The following TFPT variants were observed in gnomAD, a reference collection of about 807,000 sequenced individuals.
The protein encoded by TFPT is INO80 complex subunit F.
In TFPT, 27 loss-of-function variants were observed where a neutral mutation model predicts 28.8. That is an observed-to-expected ratio of 0.94 (90% CI 0.69 to 1.29). The LOEUF (loss-of-function observed/expected upper bound fraction) is 1.29. TFPT is among the 50% of genes most tolerant of loss of function. TFPT has a pLI of 0.00. For synonymous variants in TFPT, 152 were observed against 142.8 expected (o/e 1.06, Z -0.46); for missense variants, 330 against 338.0 (o/e 0.98, Z 0.19).
chr19:54,110,615 C>T (rs587676874), intron 2 of TFPT, among the ~76,000 whole-genome samples: 19 of 152,118 alleles, frequency 1.2e-4, no homozygotes, highest in Middle Eastern at 3.4e-3. Context: ...GCAGGATAGT[C>T]GCACGAACCT....
intron 3 of TFPT, among the ~76,000 whole-genome samples, 170 bp downstream of exon 3, chr19:54,109,881 A>AGTGCT (rs2073401897): frequency 3.4e-5 from 1 of 29,744 alleles, no homozygotes; most frequent in African/African-American, 1.3e-4. Context: ...CTCTCCTCCA[A>AGTGCT]CACCGAATCC....
intron 2 of TFPT, among the ~76,000 whole-genome samples, chr19:54,112,589 G>T (rs1365002895): frequency 6.6e-6 from 1 of 151,208 alleles, no homozygotes; most frequent in East Asian, 2.0e-4. Context: ...AGGAGTTCAA[G>T]ACCAGCCTGG....
Position 54,114,673 on chromosome 19 carries a change from C to A in TFPT, c.51G>T (p.Glu17Asp), listed in dbSNP as rs750853355. ...ACTCTGAGCCTGGCGGCGCTGAGAACTCCTCAAAGCCCACGGCTGCCATGG... is the reference window on the plus strand; with the variant it reads ...ACTCTGAGCCTGGCGGCGCTGAGAAATCCTCAAAGCCCACGGCTGCCATGG... ...EGTMAAVGFE[E>D]FSAPPGSELA... Residue 17 changes from glutamate to aspartate, a missense_variant, in exon 2 of 6, where the codon GAG becomes GAT. Glu to Asp is a conservative substitution (Grantham distance 45). Transcript: ENST00000391759. 1 of 1,613,770 alleles carries A rather than the reference C, an allele frequency of 6.2e-7. No individual in the cohort carries two copies. The highest frequency in any genetic ancestry group is 8.5e-7 in the Non-Finnish European group (1 of 1,180,010).
At chr19:54,111,372 G>A (rs377584441) in intron 2 of TFPT, among the ~76,000 whole-genome samples, 2 of 151,646 alleles carry the variant, frequency 1.3e-5, no homozygotes, top group African/African-American at 2.4e-5. Context: ...GTGAAACCCC[G>A]TCTCTACTAA....
rs1483843884 is a variant in TFPT, at chr19:54,115,399, T to C, written c.-130A>G. 9 of 1,324,788 alleles carry C rather than the reference T, an allele frequency of 6.8e-6. No homozygotes were observed. The highest frequency in any genetic ancestry group is 6.0e-5 in the South Asian group (5 of 83,100). 82.1% of individuals were successfully genotyped at this position (1,324,788 alleles called of 1,614,324 possible). A position where few individuals can be genotyped will look rare whatever the true frequency, so the allele number is the denominator to read the frequency against. ...GACGGCGGGACGTGGCCCTAGGCCTTGTGGGAGTTGTAGTTTCCTGTTTCC... is the reference window on the plus strand; with the variant it reads ...GACGGCGGGACGTGGCCCTAGGCCTCGTGGGAGTTGTAGTTTCCTGTTTCC... On this transcript the variant is annotated 5_prime_UTR_variant, in exon 1 of 6. Transcript: ENST00000391759.
rs780452245 is a variant in TFPT, at chr19:54,108,200, C to T, written c.468G>A (p.Ala156=). The stretch of plus-strand genomic sequence containing the variant: ...TCTCTTTCTCTGGAGGCTCATTCTC[C>T]GCATTGCCTGGGGTGGGGGCATCCG... ...QGTDAPTPGN[A]ENEPPEKETL... Residue 156 remains alanine, a synonymous_variant, in exon 5 of 6, where the codon GCG becomes GCA. Coordinates refer to ENST00000391759, the MANE Select transcript of TFPT (RefSeq NM_013342.4). The T allele has an allele frequency of 1.6e-5, 26 of 1,597,604 alleles. No individual in the cohort carries two copies. The highest frequency in any genetic ancestry group is 1.3e-4 in the South Asian group (12 of 89,306).
intron 2 of TFPT, among the ~76,000 whole-genome samples, chr19:54,112,411 G>T (rs1238991832): frequency 1.3e-5 from 2 of 152,158 alleles, no homozygotes; most frequent in African/African-American, 4.8e-5. Flanking sequence ...GTCCGTTTGG[G>T]CCTTGGTGTC....
intron 2 of TFPT, among the ~76,000 whole-genome samples, chr19:54,113,059 CT>C (rs1246675886): frequency 2.3e-5 from 3 of 130,804 alleles, no homozygotes; most frequent in Non-Finnish European, 4.6e-5. Context: ...TGCCATTGCA[CT>C]CCAGCCTGGG....
intron 1 of TFPT, 87 bp downstream of exon 1, chr19:54,115,160 T>C: frequency 2.2e-5 from 35 of 1,597,698 alleles, no homozygotes; most frequent in Non-Finnish European, 3.0e-5. Context: ...CCATCAGACC[T>C]CAGCGTAAAA....
At chr19:54,114,800 T>C in intron 1 of TFPT, 100 bp from the exon 2 acceptor site, 2 of 1,476,196 alleles carry the variant, frequency 1.4e-6, no homozygotes, top group East Asian at 2.3e-5. Flanking sequence ...CTCCCTGAGA[T>C]CCTAGAATCC....
chr19:54,113,734 C>A (rs982981792), intron 2 of TFPT, among the ~76,000 whole-genome samples: 21 of 152,216 alleles, frequency 1.4e-4, no homozygotes, highest in Non-Finnish European at 1.5e-5. Flanking sequence ...CTCTGTCACC[C>A]AGGCTGGAGT....
chr19:54,115,393 A>T lies in TFPT; in HGVS notation c.-124T>A, dbSNP rs2073596747. On this transcript the variant is annotated 5_prime_UTR_variant, in exon 1 of 6. Coordinates refer to ENST00000391759, the MANE Select transcript of TFPT (RefSeq NM_013342.4). The stretch of plus-strand genomic sequence containing the variant: ...GCCGAGGACGGCGGGACGTGGCCCT[A>T]GGCCTTGTGGGAGTTGTAGTTTCCT... The T allele has an allele frequency of 7.1e-7, 1 of 1,412,696 alleles. No homozygotes were observed. Among genetic ancestry groups the T allele is most frequent in the Non-Finnish European group, 9.9e-7 (1 of 1,011,700 alleles). 87.5% of individuals were successfully genotyped at this position (1,412,696 alleles called of 1,614,324 possible).
intron 3 of TFPT, chr19:54,108,775 C>T (rs777043178): frequency 1.7e-5 from 11 of 659,942 alleles, no homozygotes; most frequent in Non-Finnish European, 2.2e-5. Flanking sequence ...GTACAGAACG[C>T]TCCTCCTAAT....
chr19:54,114,953 G>A, intron 1 of TFPT: 1 of 666,312 alleles, frequency 1.5e-6, no homozygotes. Flanking sequence ...GGATGCAAGA[G>A]TCCAGACCTC....
At position 54,108,171 on chromosome 19, in the gene TFPT, AGT is replaced by A; in HGVS notation, c.495_496del (p.Leu166ValfsTer19). The stretch of plus-strand genomic sequence containing the variant: ...TGCAGGAGTCCTTCTGGGCGGGGAC[AGT>A]GTCTCTTTCTCTGGAGGCTCATTCT... On this transcript the variant is annotated frameshift_variant, in exon 5 of 6. Transcript: ENST00000391759. LOFTEE classifies it high-confidence loss of function. 1 of 1,593,954 alleles carries A rather than the reference AGT, an allele frequency of 6.3e-7. No homozygotes were observed. Among genetic ancestry groups the A allele is most frequent in the Non-Finnish European group, 8.6e-7 (1 of 1,167,978 alleles).
chr19:54,110,091 G>C lies in TFPT; in HGVS notation c.313C>G (p.Gln105Glu). ...VNERVLNRLHQVQRITRRLQQ... is the reference protein window; with the variant it reads ...VNERVLNRLHEVQRITRRLQQ... The stretch of plus-strand genomic sequence containing the variant: ...AGCCTCCGAGTTATCCTCTGCACCT[G>C]ATGGAGCCTGTTCAGGACCCGCTCG... The change falls in exon 3 of 6, where the codon CAG (glutamine) becomes GAG (glutamate). Residue 105 changes from glutamine to glutamate, a missense_variant. Physicochemically the swap from Gln to Glu is conservative, Grantham distance 29. Transcript: ENST00000391759. 1 of 1,614,190 alleles carries C rather than the reference G, an allele frequency of 6.2e-7. No homozygotes were observed. Among genetic ancestry groups the C allele is most frequent in the Non-Finnish European group, 8.5e-7 (1 of 1,180,038 alleles).
intron 2 of TFPT, 149 bp downstream of exon 2, chr19:54,114,293 T>C: frequency 1.5e-6 from 2 of 1,321,004 alleles, no homozygotes; most frequent in Non-Finnish European, 2.0e-6. Flanking sequence ...GCCAGACACA[T>C]AATGCATGCT....
At chr19:54,107,992 CCA>C (rs2073322391) in intron 5 of TFPT, 32 bp downstream of exon 5, 1 of 1,510,426 alleles carries the variant, frequency 6.6e-7, no homozygotes, top group African/African-American at 1.4e-5. Flanking sequence ...CTCTGGAGCC[CCA>C]GTCCCTCCCC....
At chr19:54,108,960 A>G (rs587657058) in intron 3 of TFPT, 1 of 195,908 alleles carries the variant, frequency 5.1e-6, no homozygotes, top group African/African-American at 2.4e-5. Context: ...AGTGGCGTGA[A>G]TTTGGCTCAC....
Sources: gnomAD v4.1 joint callset for allele counts (sites outside exome capture counted in the v4.1 genomes callset) on GRCh38, gnomAD v4.1.1 for gene constraint, MANE v1.5 for transcripts, NCBI Gene and HGNC (gene_info 2026-07-23, HGNC 2026-07-21) for gene names.